ANKRD30BL: variants seen among roughly 807,000 people sequenced by gnomAD.
ANKRD30BL encodes the protein ankyrin repeat domain 30B like.
In ANKRD30BL, 20 loss-of-function variants were observed where a neutral mutation model predicts 18.4. The observed-to-expected ratio is 1.09, with a 90% confidence interval of 0.77 to 1.58. The LOEUF (loss-of-function observed/expected upper bound fraction) is 1.58, where lower values mean the gene tolerates loss of function less well. ANKRD30BL is among the 40% of genes most tolerant of loss of function. The pLI, the probability that ANKRD30BL is intolerant of heterozygous loss-of-function variation, is 0.00. For missense variants in ANKRD30BL, 224 were observed against 268.6 expected (o/e 0.83, Z 1.16); for synonymous variants, 72 against 100.9 (o/e 0.71, Z 1.72).
At chr2:132,235,321 T>A (rs60254588) in intron 1 of ANKRD30BL, among the ~76,000 whole-genome samples, 10,825 of 152,054 alleles carry the variant, frequency 0.071, 1,254 homozygotes, top group African/African-American at 0.25. Flanking sequence ...CAACATAGGG[T>A]TGGAAGTTCT....
chr2:132,147,789 G>A lies in ANKRD30BL; in HGVS notation c.*342C>T. On this transcript the variant is annotated 3_prime_UTR_variant, in exon 6 of 6. Coordinates refer to ENST00000409867, the MANE Select transcript of ANKRD30BL (RefSeq NM_001358416.1). ...CAGATTGGCTATTTAAAGAGGGCAG[G>A]GGTATGAGCTGGAGTGGCAGGGTGA... The A allele has an allele frequency of 3.3e-6, 1 of 301,764 alleles. No homozygotes were observed. Among genetic ancestry groups the A allele is most frequent in the African/African-American group, 2.1e-5 (1 of 46,870 alleles). The allele number at this position is 301,764 out of a possible 1,614,324, so 18.7% of individuals were successfully genotyped here.
Position 132,148,222 on chromosome 2 carries a change from G to A in ANKRD30BL, c.686C>T (p.Thr229Ile). 6.2e-7 allele frequency: 1 copy of A among 1,603,934 alleles called. No homozygotes were observed. The highest frequency in any genetic ancestry group is 2.3e-4 in the Middle Eastern group (1 of 4,424). Residue 229 changes from threonine to isoleucine, a missense_variant, in exon 6 of 6, where the codon ACA (threonine) becomes ATA (isoleucine). Transcript: ENST00000409867. ...KNSQNSNPEG[T>I]SEGTPDEAAP... The stretch of plus-strand genomic sequence containing the variant: ...AGCCTCATCAGGTGTTCCTTCAGAT[G>A]TTCCTTCTGCCAAACACAGAGTCTG...
intron 1 of ANKRD30BL, among the ~76,000 whole-genome samples, chr2:132,198,948 G>A (rs747449697): frequency 6.6e-6 from 1 of 152,100 alleles, no homozygotes; most frequent in South Asian, 2.1e-4. Flanking sequence ...TTTCATTTGT[G>A]TATTTTCTTT....
At chr2:132,254,433 G>C (rs559707477) in intron 1 of ANKRD30BL, among the ~76,000 whole-genome samples, 9 of 152,352 alleles carry the variant, frequency 5.9e-5, no homozygotes, top group African/African-American at 1.4e-4. Context: ...TCTTCTCAGC[G>C]TTCCGCCAGG....
At chr2:132,175,522 G>A (rs2104943820) in intron 1 of ANKRD30BL, among the ~76,000 whole-genome samples, 1 of 152,322 alleles carries the variant, frequency 6.6e-6, no homozygotes, top group East Asian at 1.9e-4. Flanking sequence ...GGGCAGGCAG[G>A]AGACAGTGGC....
chr2:132,163,305 G>A (rs949682046), upstream of ANKRD30BL, among the ~76,000 whole-genome samples: 26 of 151,996 alleles, frequency 1.7e-4, no homozygotes, highest in African/African-American at 5.3e-4. Flanking sequence ...AAACCAATCA[G>A]CCAGGCATGG....
upstream of ANKRD30BL, chr2:132,257,997 G>T (rs150562282): frequency 6.5e-6 from 1 of 152,842 alleles, no homozygotes. Flanking sequence ...TAGCTCACAC[G>T]GCCCGTGCGC....
chr2:132,163,149 C>A (rs1162782176), upstream of ANKRD30BL, among the ~76,000 whole-genome samples: 1 of 152,180 alleles, frequency 6.6e-6, no homozygotes, highest in Non-Finnish European at 1.5e-5. Flanking sequence ...TTAAATTGAA[C>A]TTATCTATAA....
chr2:132,152,948 A>G (rs1169193609), intron 4 of ANKRD30BL, among the ~76,000 whole-genome samples: 1 of 152,142 alleles, frequency 6.6e-6, no homozygotes, highest in Admixed American at 6.5e-5. Flanking sequence ...GTACTTTGGA[A>G]ACAATGGCTG....
intron 1 of ANKRD30BL, among the ~76,000 whole-genome samples, chr2:132,235,685 A>G (rs1019572979): frequency 2.6e-5 from 4 of 152,150 alleles, no homozygotes; most frequent in Admixed American, 6.6e-5. Context: ...AAGGAAATAA[A>G]AGAGGATACA....
chr2:132,224,490 C>T (rs1287329502), intron 1 of ANKRD30BL, among the ~76,000 whole-genome samples: 1 of 150,706 alleles, frequency 6.6e-6, no homozygotes, highest in Non-Finnish European at 1.5e-5. Context: ...AAGTACTGGA[C>T]AGAGGCATTC....
rs377686858 is a variant in ANKRD30BL, at chr2:132,201,522, G to C, written n.442-44376C>G. Among the ~76,000 whole-genome samples, 444 of 152,156 alleles carry C rather than the reference G, an allele frequency of 2.9e-3. 2 individuals carry two copies. Among genetic ancestry groups the C allele is most frequent in the African/African-American group, 9.3e-3 (385 of 41,512 alleles). ...TTCTCAAAAGAAGACATTTATGCAG[G>C]CAAAAAACACATGAAAAAATGCTCA... is the stretch of plus-strand genomic sequence containing the variant. On this transcript the variant is annotated intron_variant and non_coding_transcript_variant, in intron 1 of 4. Transcript: ENST00000470729.
chr2:132,199,680 CT>C (rs1333448073), intron 1 of ANKRD30BL, among the ~76,000 whole-genome samples: 1 of 151,646 alleles, frequency 6.6e-6, no homozygotes, highest in Non-Finnish European at 1.5e-5. Context: ...TTAATTTTTT[CT>C]TTATATACTT....
At chr2:132,198,611 CA>C (rs1356310180) in intron 1 of ANKRD30BL, among the ~76,000 whole-genome samples, 5 of 151,366 alleles carry the variant, frequency 3.3e-5, no homozygotes, top group Non-Finnish European at 7.4e-5. Context: ...GCATGAGCCA[CA>C]GCGCCCAGCC....
chr2:132,175,888 AAGAGG>A (rs1688359714), intron 1 of ANKRD30BL, among the ~76,000 whole-genome samples: 1 of 36,280 alleles, frequency 2.8e-5, no homozygotes, highest in African/African-American at 1.1e-4. Context: ...GGTGGGGGCA[AAGAGG>A]TTGGGGCAAA....
chr2:132,210,166 G>A lies in ANKRD30BL; in HGVS notation n.441+47363C>T, dbSNP rs1198350202. ...GAATCTGCAAGTGGATATTTGGAGC[G>A]CTTTGCGGCCTATAGTGGAAACGGA... On this transcript the variant is annotated intron_variant and non_coding_transcript_variant, in intron 1 of 4. Coordinates refer to the ANKRD30BL transcript ENST00000470729. Among the ~76,000 whole-genome samples the A allele has an allele frequency of 1.6e-4, 24 of 149,698 alleles. 1 individual carries two copies. The highest frequency in any genetic ancestry group is 5.1e-4 in the African/African-American group (20 of 39,472).
intron 1 of ANKRD30BL, among the ~76,000 whole-genome samples, chr2:132,199,438 G>C (rs1344399699): frequency 3.9e-5 from 6 of 152,024 alleles, no homozygotes; most frequent in Admixed American, 1.3e-4. Context: ...GCATGAAGAT[G>C]ATAATTTTGA....
chr2:132,234,318 G>A (rs889859289), intron 1 of ANKRD30BL, among the ~76,000 whole-genome samples: 1 of 151,820 alleles, frequency 6.6e-6, no homozygotes, highest in Admixed American at 6.6e-5. Flanking sequence ...CTAGCAGAAG[G>A]CAAGAAATAA....
chr2:132,184,180 C>T (rs1050106908), intron 1 of ANKRD30BL, among the ~76,000 whole-genome samples: 2 of 151,956 alleles, frequency 1.3e-5, no homozygotes, highest in Non-Finnish European at 2.9e-5. Flanking sequence ...TCAAGCTATT[C>T]TCCTTCCTTA....
Sources: gnomAD v4.1 joint callset for allele counts (sites outside exome capture counted in the v4.1 genomes callset) on GRCh38, gnomAD v4.1.1 for gene constraint, MANE v1.5 for transcripts, NCBI Gene and HGNC (gene_info 2026-07-23, HGNC 2026-07-21) for gene names.